Variants in LRRC28 observed in about 807,000 individuals in gnomAD.
LRRC28 encodes the protein leucine-rich repeat-containing protein 28.
A neutral mutation model predicts 45.7 loss-of-function variants in LRRC28; 39 were observed. That is an observed-to-expected ratio of 0.85 (90% CI 0.66 to 1.12). The LOEUF (loss-of-function observed/expected upper bound fraction) is 1.12. LRRC28 is among the 50% of genes most tolerant of loss of function. The probability of loss-of-function intolerance (pLI) is 0.00; values close to 1 mark genes in which losing one functional copy is unlikely to be tolerated. For synonymous variants in LRRC28, 206 were observed against 178.8 expected (o/e 1.15, Z -1.22); for missense variants, 435 against 438.5 (o/e 0.99, Z 0.07).
At chr15:99,288,017 T>G in intron 5 of LRRC28, 66 bp downstream of exon 5, 4 of 1,425,852 alleles carry the variant, frequency 2.8e-6, no homozygotes, top group Non-Finnish European at 1.9e-6. Flanking sequence ...TATTTCTCAC[T>G]CTATGTCTAG....
At chr15:99,264,945 G>A (rs2081293625) in intron 2 of LRRC28, among the ~76,000 whole-genome samples, 1 of 152,160 alleles carries the variant, frequency 6.6e-6, no homozygotes, top group South Asian at 2.1e-4. Context: ...GTAAAGAAAG[G>A]GAGAACAGGT....
intron 5 of LRRC28, among the ~76,000 whole-genome samples, chr15:99,298,415 T>C (rs2082319974): frequency 6.6e-6 from 1 of 152,166 alleles, no homozygotes; most frequent in African/African-American, 2.4e-5. Context: ...ACTATTTATC[T>C]CTGAAAGGTA....
intron 5 of LRRC28, among the ~76,000 whole-genome samples, chr15:99,291,094 A>G (rs2082110744): frequency 6.6e-6 from 1 of 152,208 alleles, no homozygotes; most frequent in Non-Finnish European, 1.5e-5. Context: ...ATATATTCTT[A>G]GAGGTTAAGG....
intron 9 of LRRC28, among the ~76,000 whole-genome samples, chr15:99,369,969 G>A (rs1321630661): frequency 1.3e-5 from 2 of 152,148 alleles, no homozygotes; most frequent in Non-Finnish European, 2.9e-5. Flanking sequence ...AGTAGTCCTG[G>A]GGATAAAGAG....
At chr15:99,342,752 GTCAT>G (rs372011612) in intron 6 of LRRC28, among the ~76,000 whole-genome samples, 18 of 152,294 alleles carry the variant, frequency 1.2e-4, no homozygotes, top group African/African-American at 4.3e-4. Flanking sequence ...GAAGCCTGCA[GTCAT>G]TCAAATTCAT....
chr15:99,382,167 G>A (rs570390883), intron 9 of LRRC28, among the ~76,000 whole-genome samples: 4 of 152,314 alleles, frequency 2.6e-5, no homozygotes, highest in South Asian at 4.1e-4. Context: ...CTTGAGCTGC[G>A]GTGGGCTCCA....
intron 5 of LRRC28, among the ~76,000 whole-genome samples, chr15:99,328,928 A>C (rs1324870605): frequency 2.0e-5 from 3 of 151,848 alleles, no homozygotes; most frequent in African/African-American, 7.3e-5. Context: ...CACACTGTAG[A>C]TATCCCAGCG....
chr15:99,270,495 C>G (rs2081448741), intron 2 of LRRC28, among the ~76,000 whole-genome samples: 1 of 149,056 alleles, frequency 6.7e-6, no homozygotes, highest in African/African-American at 2.5e-5. Context: ...TGGGTTAACT[C>G]TAGATATTTT....
Position 99,390,299 on chromosome 15 carries a change from G to C in LRRC28, c.*4197G>C, listed in dbSNP as rs1174422454. On this transcript the variant is annotated 3_prime_UTR_variant, in exon 10 of 10. Coordinates refer to ENST00000301981, the MANE Select transcript of LRRC28 (RefSeq NM_144598.5). ...CACAGCCTTTGAAGTATGACTGTAT[G>C]TGTGGTCCCCTTGTACTTTGGAGAC... 1 of 152,272 alleles carries C rather than the reference G, an allele frequency of 6.6e-6. No homozygotes were observed. Among genetic ancestry groups the C allele is most frequent in the Non-Finnish European group, 1.5e-5 (1 of 68,056 alleles). The allele number at this position is 152,272 out of a possible 1,614,324, so 9.4% of individuals were successfully genotyped here.
chr15:99,271,382 G>A (rs1159958123), intron 2 of LRRC28, among the ~76,000 whole-genome samples: 4 of 151,708 alleles, frequency 2.6e-5, no homozygotes, highest in African/African-American at 4.8e-5. Context: ...GGGTTCAAGC[G>A]ATTCTCCTGC....
intron 5 of LRRC28, among the ~76,000 whole-genome samples, chr15:99,301,338 A>G (rs1954961949): frequency 6.6e-6 from 1 of 152,212 alleles, no homozygotes; most frequent in Admixed American, 6.5e-5. Context: ...AGAGTTACTA[A>G]TAATTTTATC....
rs1597369332 is a variant in LRRC28, at chr15:99,334,236, G to A, written c.592+107G>A. 19 of 1,268,776 alleles carry A rather than the reference G, an allele frequency of 1.5e-5. No individual in the cohort carries two copies. In the East Asian group the frequency reaches 4.1e-4, roughly 27 times the overall value. 78.6% of individuals were successfully genotyped at this position (1,268,776 alleles called of 1,614,324 possible). The stretch of plus-strand genomic sequence containing the variant: ...TTTCCTTCCTTCTGTTTATCTTGAC[G>A]ATTGCTTCTCTAAGTTTGTTTTTGC... On this transcript the variant is annotated intron_variant, in intron 6 of 9. Transcript: ENST00000301981.
chr15:99,311,563 C>G (rs939827771), intron 5 of LRRC28, among the ~76,000 whole-genome samples: 2 of 152,152 alleles, frequency 1.3e-5, no homozygotes, highest in Non-Finnish European at 2.9e-5. Context: ...TGTATGAAGA[C>G]TTGTTTTATA....
chr15:99,357,002 G>T (rs1277927286), intron 7 of LRRC28, among the ~76,000 whole-genome samples: 1 of 152,140 alleles, frequency 6.6e-6, no homozygotes, highest in Non-Finnish European at 1.5e-5. Context: ...CCAAGCCAAG[G>T]TTTATTCTTT....
At chr15:99,308,321 C>T (rs967784010) in intron 5 of LRRC28, among the ~76,000 whole-genome samples, 1 of 151,962 alleles carries the variant, frequency 6.6e-6, no homozygotes, top group Non-Finnish European at 1.5e-5. Flanking sequence ...AATACTTAAT[C>T]TTTAAAAAAA....
chr15:99,258,131 A>G, intron 2 of LRRC28: 1 of 1,608,870 alleles, frequency 6.2e-7, no homozygotes, highest in East Asian at 2.2e-5. Flanking sequence ...CAAATCTTGA[A>G]CAAACGAGTT....
At chr15:99,345,817 G>A (rs1956661587) in intron 6 of LRRC28, among the ~76,000 whole-genome samples, 1 of 152,158 alleles carries the variant, frequency 6.6e-6, no homozygotes, top group African/African-American at 2.4e-5. Flanking sequence ...CAGTGACCTT[G>A]CAACCGATAA....
intron 9 of LRRC28, among the ~76,000 whole-genome samples, chr15:99,376,588 GGTTTGTTACATATGTATACAT>G (rs1002468876): frequency 6.6e-6 from 1 of 152,050 alleles, no homozygotes; most frequent in Non-Finnish European, 1.5e-5. Flanking sequence ...ACAACGTGCA[GGTTTGTTACATATGTATACAT>G]GTGCCATGTT....
At chr15:99,343,228 T>C (rs1321913104) in intron 6 of LRRC28, among the ~76,000 whole-genome samples, 1 of 152,236 alleles carries the variant, frequency 6.6e-6, no homozygotes, top group Non-Finnish European at 1.5e-5. Context: ...CATCATTTTG[T>C]TGATGAGAAT....
Sources: allele counts gnomAD v4.1 joint callset (sites outside exome capture counted in the v4.1 genomes callset), GRCh38; gene constraint gnomAD v4.1.1; transcripts MANE v1.5; gene names NCBI Gene and HGNC (gene_info 2026-07-23, HGNC 2026-07-21).